Variants in SLC2A9 observed in about 807,000 individuals in gnomAD.
The protein encoded by SLC2A9 is solute carrier family 2 member 9.
A neutral mutation model predicts 50.6 loss-of-function variants in SLC2A9; 39 were observed. That is an observed-to-expected ratio of 0.77 (90% confidence interval 0.60 to 1.01). The LOEUF is 1.01. Among genes scored for constraint, SLC2A9 ranks in the 50% least tolerant of loss-of-function variants. The pLI is 0.00. For missense variants in SLC2A9, 686 were observed against 677.6 expected (o/e 1.01, Z -0.14); for synonymous variants, 324 against 276.9 (o/e 1.17, Z -1.69).
At chr4:9,852,485 C>G (rs1730125164) in intron 10 of SLC2A9, among the ~76,000 whole-genome samples, 1 of 151,930 alleles carries the variant, frequency 6.6e-6, no homozygotes. Flanking sequence ...ATCTCCTGAC[C>G]TCATGATCCA....
intron 10 of SLC2A9, among the ~76,000 whole-genome samples, chr4:9,835,751 C>A (rs982719760): frequency 1.3e-5 from 2 of 152,056 alleles, no homozygotes; most frequent in African/African-American, 4.8e-5. Context: ...TGTTGTCACT[C>A]AAAAGTGAGA....
chr4:9,818,780 G>A (rs893032117), intron 3 of SLC2A9, among the ~76,000 whole-genome samples: 1 of 152,164 alleles, frequency 6.6e-6, no homozygotes, highest in Admixed American at 6.5e-5. Context: ...TCCATCCAGG[G>A]ATGGTCTAGC....
chr4:9,925,798 G>T (rs898747090), intron 6 of SLC2A9, among the ~76,000 whole-genome samples: 4 of 152,166 alleles, frequency 2.6e-5, no homozygotes, highest in African/African-American at 9.7e-5. Flanking sequence ...GCGGGGGAGG[G>T]CTGAGCAAAC....
chr4:9,804,128 T>C (rs1395706842), intron 3 of SLC2A9, among the ~76,000 whole-genome samples: 4 of 152,176 alleles, frequency 2.6e-5, no homozygotes, highest in African/African-American at 9.7e-5. Flanking sequence ...ATGATAAAAA[T>C]ACAATTTTAA....
At chr4:10,023,761 A>T (rs1449373147), upstream of SLC2A9, among the ~76,000 whole-genome samples, 1 of 148,370 alleles carries the variant, frequency 6.7e-6, no homozygotes, top group African/African-American at 2.6e-5. Context: ...CACCTTCATG[A>T]TATCGTTTAG....
At chr4:10,021,114 C>T (rs1419175793) in intron 1 of SLC2A9, among the ~76,000 whole-genome samples, 166 bp downstream of exon 1, 1 of 152,242 alleles carries the variant, frequency 6.6e-6, no homozygotes, top group East Asian at 1.9e-4. Flanking sequence ...ATGCCAAAGT[C>T]ACACAGATGG....
intron 4 of SLC2A9, among the ~76,000 whole-genome samples, chr4:9,984,148 AG>A (rs1366548853): frequency 6.6e-6 from 1 of 152,230 alleles, no homozygotes; most frequent in Non-Finnish European, 1.5e-5. Flanking sequence ...CAAATGATTG[AG>A]GAGTCATTTC....
intron 10 of SLC2A9, among the ~76,000 whole-genome samples, chr4:9,886,380 C>T (rs532600521): frequency 9.7e-4 from 147 of 151,232 alleles, no homozygotes; most frequent in African/African-American, 3.4e-3. Flanking sequence ...CTGGGAGGTG[C>T]TTGCTTTCTT....
chr4:9,808,925 G>A (rs1722489408), intron 3 of SLC2A9, among the ~76,000 whole-genome samples: 1 of 152,216 alleles, frequency 6.6e-6, no homozygotes, highest in Non-Finnish European at 1.5e-5. Flanking sequence ...CTGTACCTGG[G>A]AGGCATCAAT....
chr4:9,917,406 C>T (rs900856033), intron 7 of SLC2A9, among the ~76,000 whole-genome samples: 4 of 127,274 alleles, frequency 3.1e-5, no homozygotes, highest in African/African-American at 1.2e-4. Flanking sequence ...GATCTTGGCT[C>T]ACTGTAGCCT....
At chr4:9,822,798 T>A (rs927578550), downstream of SLC2A9, among the ~76,000 whole-genome samples, 3 of 152,214 alleles carry the variant, frequency 2.0e-5, no homozygotes, top group African/African-American at 7.2e-5. Context: ...TCCTTTATAT[T>A]TGATTTTCAT....
chr4:10,030,233 A>G (rs1039652232), intron 1 of SLC2A9, among the ~76,000 whole-genome samples: 5 of 152,196 alleles, frequency 3.3e-5, no homozygotes, highest in Non-Finnish European at 5.9e-5. Flanking sequence ...ACCACAGAAA[A>G]CTGGTAAGTA....
intron 5 of SLC2A9, among the ~76,000 whole-genome samples, chr4:9,969,858 A>C (rs1174185663): frequency 1.3e-5 from 2 of 152,236 alleles, no homozygotes; most frequent in Non-Finnish European, 2.9e-5. Context: ...AACACATGGG[A>C]ATTATGGGAG....
At chr4:9,871,678 G>A (rs910210285) in intron 10 of SLC2A9, among the ~76,000 whole-genome samples, 2 of 152,136 alleles carry the variant, frequency 1.3e-5, no homozygotes, top group Non-Finnish European at 2.9e-5. Flanking sequence ...TTCTAACCAA[G>A]GTCACATTCT....
At chr4:9,998,193 T>C (rs1759073120) in intron 2 of SLC2A9, among the ~76,000 whole-genome samples, 1 of 152,158 alleles carries the variant, frequency 6.6e-6, no homozygotes, top group Non-Finnish European at 1.5e-5. Flanking sequence ...GGCACTAAGC[T>C]CCAAACAGAG....
chr4:9,817,823 G>A (rs1439116130), intron 3 of SLC2A9, among the ~76,000 whole-genome samples: 2 of 152,088 alleles, frequency 1.3e-5, no homozygotes, highest in African/African-American at 2.4e-5. Context: ...GAAGCCATGG[G>A]TGACTCCATC....
intron 5 of SLC2A9, among the ~76,000 whole-genome samples, chr4:9,958,773 A>G (rs1751738027): frequency 6.6e-6 from 1 of 152,240 alleles, no homozygotes; most frequent in Non-Finnish European, 1.5e-5. Flanking sequence ...AGACCCATTT[A>G]GACGAAAGCA....
At chr4:9,891,063 A>G (rs1450242767) in intron 8 of SLC2A9, among the ~76,000 whole-genome samples, 1 of 152,208 alleles carries the variant, frequency 6.6e-6, no homozygotes, top group Non-Finnish European at 1.5e-5. Flanking sequence ...CCTGCATGGA[A>G]GGTGACTCCT....
chr4:9,907,209 C>A (rs16890728), intron 8 of SLC2A9, among the ~76,000 whole-genome samples: 31,256 of 152,168 alleles, frequency 0.21, 3,698 homozygotes, highest in African/African-American at 0.32. Flanking sequence ...GTGCTGTGTG[C>A]CCAAAATGTG....
Sources: gnomAD v4.1 joint callset for allele counts (sites outside exome capture counted in the v4.1 genomes callset) on GRCh38, gnomAD v4.1.1 for gene constraint, MANE v1.5 for transcripts, NCBI Gene and HGNC (gene_info 2026-07-23, HGNC 2026-07-21) for gene names.